Variants in TMEM117 observed in about 807,000 individuals in gnomAD.
The protein encoded by TMEM117 is transmembrane protein 117.
TMEM117 carries 27 observed loss-of-function variants against 52.4 expected under a neutral mutation model. The ratio of observed to expected loss-of-function variants is 0.51; its 90% CI spans 0.38 to 0.71. TMEM117 has a LOEUF of 0.71. Ranked by LOEUF, TMEM117 falls within the 30% of genes least tolerant of loss-of-function variation. TMEM117 has a pLI of 0.00. For missense variants in TMEM117, 556 were observed against 630.5 expected (o/e 0.88, Z 1.26); for synonymous variants, 215 against 206.3 (o/e 1.04, Z -0.36).
chr12:44,100,501 A>G (rs992462410), intron 3 of TMEM117, among the ~76,000 whole-genome samples: 1 of 151,968 alleles, frequency 6.6e-6, no homozygotes, highest in South Asian at 2.1e-4. Context: ...GGTTCATTCT[A>G]TTTTTAGCTA....
chr12:43,996,442 G>A (rs1400826916), intron 3 of TMEM117, among the ~76,000 whole-genome samples: 1 of 152,098 alleles, frequency 6.6e-6, no homozygotes, highest in East Asian at 1.9e-4. Flanking sequence ...AGGAGATCAA[G>A]ACCACCCTGG....
chr12:44,373,702 G>C (rs747577916), intron 6 of TMEM117, among the ~76,000 whole-genome samples: 1 of 148,890 alleles, frequency 6.7e-6, no homozygotes, highest in Non-Finnish European at 1.5e-5. Context: ...TCAGAATACC[G>C]TCCCAAATCT....
intron 2 of TMEM117, among the ~76,000 whole-genome samples, chr12:43,922,071 A>G (rs1944704002): frequency 6.6e-6 from 1 of 152,170 alleles, no homozygotes; most frequent in African/African-American, 2.4e-5. Flanking sequence ...TTGTCAGTAG[A>G]ACCAGCAAAA....
At chr12:44,247,465 A>G (rs1031806878) in intron 5 of TMEM117, among the ~76,000 whole-genome samples, 1 of 152,170 alleles carries the variant, frequency 6.6e-6, no homozygotes, top group Admixed American at 6.5e-5. Flanking sequence ...ACAATTGTAC[A>G]TATTTATGGT....
At chr12:44,273,091 A>G (rs1950467362) in intron 5 of TMEM117, among the ~76,000 whole-genome samples, 1 of 152,122 alleles carries the variant, frequency 6.6e-6, no homozygotes, top group African/African-American at 2.4e-5. Flanking sequence ...TGAAGCTGGA[A>G]ACCATCATTC....
intron 2 of TMEM117, among the ~76,000 whole-genome samples, chr12:43,933,361 C>T (rs1044415193): frequency 5.9e-5 from 9 of 151,862 alleles, no homozygotes; most frequent in South Asian, 2.1e-4. Context: ...CCACCTCGCC[C>T]GGCTAATTTT....
intron 5 of TMEM117, among the ~76,000 whole-genome samples, chr12:44,250,731 C>T (rs571793376): frequency 2.6e-5 from 4 of 152,210 alleles, no homozygotes; most frequent in South Asian, 2.1e-4. Context: ...AGCAAACTAA[C>T]GCAGGAACAG....
the TMEM117 span, among the ~76,000 whole-genome samples, chr12:43,826,359 C>T: frequency 6.6e-6 from 1 of 152,176 alleles, no homozygotes; most frequent in South Asian, 2.1e-4. Context: ...AATTCTCTGT[C>T]CAAGTTTTTG....
intron 3 of TMEM117, among the ~76,000 whole-genome samples, chr12:44,075,057 TTTCTCC>T (rs1245716857): frequency 6.6e-6 from 1 of 152,232 alleles, no homozygotes; most frequent in Admixed American, 6.5e-5. Flanking sequence ...AGCCCTGTGC[TTTCTCC>T]ATAGTGGTAA....
intron 3 of TMEM117, among the ~76,000 whole-genome samples, chr12:44,001,059 C>T (rs566960966): frequency 1.3e-5 from 2 of 152,228 alleles, no homozygotes; most frequent in African/African-American, 2.4e-5. Flanking sequence ...CAGAGGTCTT[C>T]GACTCCTCGA....
chr12:44,273,946 A>G (rs1256310872), intron 5 of TMEM117, among the ~76,000 whole-genome samples: 1 of 152,190 alleles, frequency 6.6e-6, no homozygotes, highest in Non-Finnish European at 1.5e-5. Context: ...CTGTTGGTCA[A>G]CATAGTACTG....
intron 1 of TMEM117, among the ~76,000 whole-genome samples, chr12:43,837,470 C>T (rs996630514): frequency 1.3e-5 from 2 of 152,126 alleles, no homozygotes; most frequent in South Asian, 4.1e-4. Context: ...CCTCGGCCTC[C>T]TGAGTAGCTG....
intron 4 of TMEM117, among the ~76,000 whole-genome samples, chr12:44,152,699 A>C (rs1247484803): frequency 7.4e-6 from 1 of 134,436 alleles, no homozygotes; most frequent in East Asian, 2.2e-4. Flanking sequence ...TTATATATAA[A>C]TTTTTATATA....
chr12:43,919,354 T>A (rs942669693), intron 2 of TMEM117, among the ~76,000 whole-genome samples: 23 of 152,308 alleles, frequency 1.5e-4, no homozygotes, highest in African/African-American at 5.5e-4. Flanking sequence ...TGCATTTGAC[T>A]GTTGTAGATA....
intron 3 of TMEM117, among the ~76,000 whole-genome samples, chr12:44,019,710 A>G (rs527490480): frequency 8.6e-4 from 131 of 152,168 alleles, no homozygotes; most frequent in Admixed American, 2.4e-3. Flanking sequence ...ATTATAAACT[A>G]TGCAGTTGGT....
chr12:44,015,249 A>C (rs1415876721), intron 3 of TMEM117, among the ~76,000 whole-genome samples: 1 of 152,170 alleles, frequency 6.6e-6, no homozygotes, highest in Non-Finnish European at 1.5e-5. Flanking sequence ...TAAGTCAGTC[A>C]TTGTATCCAT....
At chr12:44,199,498 C>T (rs1398439615) in intron 4 of TMEM117, among the ~76,000 whole-genome samples, 1 of 152,014 alleles carries the variant, frequency 6.6e-6, no homozygotes, top group Non-Finnish European at 1.5e-5. Context: ...CAATATATGA[C>T]CACATTTTCT....
rs554119050 is a variant in TMEM117, at chr12:43,900,422, A to G, written c.278-43788A>G. Among the ~76,000 whole-genome samples, 3 of 152,234 alleles carry G rather than the reference A, an allele frequency of 2.0e-5. No homozygotes were observed. The South Asian group carries it at 6.2e-4, about 32-fold the overall frequency. ...CTTGAAGAAACTCTCATGCCCTTAA[A>G]TTATCTTACATTCTCGGCTGGGCAC... is the stretch of plus-strand genomic sequence containing the variant. On this transcript the variant is annotated intron_variant, in intron 2 of 7. Transcript: ENST00000266534.
intron 6 of TMEM117, among the ~76,000 whole-genome samples, chr12:44,342,931 C>A (rs962960442): frequency 5.3e-5 from 8 of 152,018 alleles, no homozygotes; most frequent in African/African-American, 1.9e-4. Context: ...GTGGCACAAT[C>A]TCTGCTCACT....
Sources: gnomAD v4.1 joint callset for allele counts (sites outside exome capture counted in the v4.1 genomes callset) on GRCh38, gnomAD v4.1.1 for gene constraint, MANE v1.5 for transcripts, NCBI Gene and HGNC (gene_info 2026-07-23, HGNC 2026-07-21) for gene names.